The following CNTLN variants were observed in gnomAD, a reference collection of about 807,000 sequenced individuals.
The protein encoded by CNTLN is centlein.
CNTLN carries 212 observed loss-of-function variants against 180.0 expected under a neutral mutation model. The observed-to-expected ratio is 1.18, with a 90% CI of 1.05 to 1.32. The LOEUF (loss-of-function observed/expected upper bound fraction) is 1.32, where lower values mean the gene tolerates loss of function less well. Among genes scored for constraint, CNTLN ranks in the 40% most tolerant of loss-of-function variants. The probability of loss-of-function intolerance (pLI) is 0.00; values close to 1 mark genes in which losing one functional copy is unlikely to be tolerated. For synonymous variants in CNTLN, 722 were observed against 563.1 expected, an observed-to-expected ratio of 1.28 and a Z score of -3.99; for missense variants, 2,095 against 1,610.9, an observed-to-expected ratio of 1.30 and a Z score of -5.14.
intron 18 of CNTLN, among the ~76,000 whole-genome samples, chr9:17,420,229 C>G (rs1828607726): frequency 6.6e-6 from 1 of 152,070 alleles, no homozygotes; most frequent in Admixed American, 6.6e-5. Context: ...TTTTATTAGG[C>G]TTTGCTTTTG....
rs200779530 is a variant in CNTLN, at chr9:17,188,875, C to CT, written c.450-37320dup. ...TTAATTTCATTATCTGAGTCATTGA[C>CT]TTTTTTTTCCCTCCAGATTATGGAT... is the stretch of plus-strand genomic sequence containing the variant. On this transcript the variant is annotated intron_variant, in intron 2 of 25. Coordinates refer to ENST00000380647, the MANE Select transcript of CNTLN (RefSeq NM_017738.4). 6.7e-3 allele frequency among the ~76,000 whole-genome samples: 1,009 copies of CT among 151,646 alleles called. 7 individuals are homozygous for CT. Among genetic ancestry groups the CT allele is most frequent in the Non-Finnish European group, 8.3e-3 (565 of 67,864 alleles).
chr9:17,160,172 T>A (rs914425333), intron 2 of CNTLN, among the ~76,000 whole-genome samples: 2 of 152,200 alleles, frequency 1.3e-5, no homozygotes, highest in African/African-American at 4.8e-5. Context: ...TTTTTTTATC[T>A]GAAATGTAAA....
intron 12 of CNTLN, 26 bp from the exon 13 acceptor site, chr9:17,366,591 A>T: frequency 8.8e-7 from 1 of 1,140,356 alleles, no homozygotes; most frequent in Non-Finnish European, 1.3e-6. Flanking sequence ...TATGGTTTTA[A>T]GTAAATGTTT....
chr9:17,189,547 G>A (rs1000874738), intron 2 of CNTLN, among the ~76,000 whole-genome samples: 2 of 151,248 alleles, frequency 1.3e-5, no homozygotes, highest in South Asian at 4.2e-4. Context: ...GCAGTGGCGT[G>A]ATCTTGGCTC....
chr9:17,457,847 G>T, intron 19 of CNTLN, 132 bp downstream of exon 19: 2 of 531,332 alleles, frequency 3.8e-6, no homozygotes, highest in Non-Finnish European at 3.0e-6. Flanking sequence ...TATTAATATT[G>T]CCTTCATCAT....
chr9:17,394,781 G>C lies in CNTLN; in HGVS notation c.2327G>C (p.Arg776Thr). 6.2e-7 allele frequency: 1 copy of C among 1,614,004 alleles called. No individual in the cohort carries two copies. Among genetic ancestry groups the C allele is most frequent in the Non-Finnish European group, 8.5e-7 (1 of 1,179,986 alleles). Residue 776 changes from arginine (R) to threonine (T), a missense_variant, in exon 15 of 26, where the codon AGA becomes ACA. By Grantham distance (71) the Arg-to-Thr change is moderately conservative. Transcript: ENST00000380647. Reference sequence around the variant, plus strand: ...GAGACAGAAGTCACTTCCCTGAGGAGACAAGTGGCAGAAGCTAATGCATTG... The same window carrying C: ...GAGACAGAAGTCACTTCCCTGAGGACACAAGTGGCAGAAGCTAATGCATTG... ...ELETEVTSLR[R>T]QVAEANALRN...
chr9:17,234,342 C>G (rs542477039), intron 3 of CNTLN, among the ~76,000 whole-genome samples: 1 of 152,066 alleles, frequency 6.6e-6, no homozygotes, highest in Non-Finnish European at 1.5e-5. Context: ...ACTTGGGAAG[C>G]TGAGGTGGGA....
intron 2 of CNTLN, among the ~76,000 whole-genome samples, chr9:17,159,273 G>A (rs1230661440): frequency 1.3e-5 from 2 of 152,152 alleles, no homozygotes; most frequent in East Asian, 3.9e-4. Flanking sequence ...AATAAAGTCA[G>A]TTTCTTTGGA....
At chr9:17,222,736 C>G (rs1276171220) in intron 2 of CNTLN, among the ~76,000 whole-genome samples, 1 of 152,004 alleles carries the variant, frequency 6.6e-6, no homozygotes, top group African/African-American at 2.4e-5. Flanking sequence ...ATTTCTCAGT[C>G]TTTAGTGTGT....
At chr9:17,148,171 C>T (rs1818586810) in intron 2 of CNTLN, among the ~76,000 whole-genome samples, 1 of 152,104 alleles carries the variant, frequency 6.6e-6, no homozygotes, top group African/African-American at 2.4e-5. Flanking sequence ...ATCTATAAAC[C>T]TCTATTCTCT....
At chr9:17,345,436 C>T (rs939218705) in intron 12 of CNTLN, among the ~76,000 whole-genome samples, 1 of 151,734 alleles carries the variant, frequency 6.6e-6, no homozygotes, top group Non-Finnish European at 1.5e-5. Context: ...TTTGTTTCCT[C>T]TGTTTCCCAT....
intron 18 of CNTLN, among the ~76,000 whole-genome samples, chr9:17,442,820 A>C (rs768895912): frequency 2.0e-5 from 3 of 152,226 alleles, no homozygotes; most frequent in Non-Finnish European, 2.9e-5. Flanking sequence ...AAGCATAAGC[A>C]GTTGTAAGAG....
intron 5 of CNTLN, among the ~76,000 whole-genome samples, chr9:17,245,105 G>C (rs1043468290): frequency 4.6e-5 from 7 of 152,000 alleles, no homozygotes; most frequent in Admixed American, 4.6e-4. Flanking sequence ...ATAATACTCT[G>C]TATTTGTCTA....
At chr9:17,226,869 A>G in intron 3 of CNTLN, among the ~76,000 whole-genome samples, 1 of 151,724 alleles carries the variant, frequency 6.6e-6, no homozygotes, top group Admixed American at 6.6e-5. Context: ...AGCAGGAGCA[A>G]GAGAGAGAGA....
intron 8 of CNTLN, among the ~76,000 whole-genome samples, chr9:17,330,378 AT>A (rs1490811796): frequency 6.6e-6 from 1 of 151,894 alleles, no homozygotes; most frequent in African/African-American, 2.4e-5. Flanking sequence ...CATGCTTTAA[AT>A]TTTTTTCCTT....
chr9:17,154,328 G>C (rs1490093529), intron 2 of CNTLN, among the ~76,000 whole-genome samples: 1 of 152,122 alleles, frequency 6.6e-6, no homozygotes, highest in Non-Finnish European at 1.5e-5. Context: ...GGTAACCTTT[G>C]GATGGGGTCT....
At chr9:17,233,180 A>C (rs1285129908) in intron 3 of CNTLN, among the ~76,000 whole-genome samples, 1 of 152,236 alleles carries the variant, frequency 6.6e-6, no homozygotes, top group East Asian at 1.9e-4. Context: ...TTTTGTTAGT[A>C]TGATCCCCAC....
chr9:17,467,153 T>C (rs1174370626), intron 23 of CNTLN, among the ~76,000 whole-genome samples: 4 of 151,602 alleles, frequency 2.6e-5, no homozygotes, highest in African/African-American at 9.7e-5. Flanking sequence ...TCAAGTCATC[T>C]GGACAGGTTT....
At chr9:17,408,885 A>G (rs1391230014) in intron 15 of CNTLN, among the ~76,000 whole-genome samples, 1 of 152,030 alleles carries the variant, frequency 6.6e-6, no homozygotes, top group Non-Finnish European at 1.5e-5. Flanking sequence ...GGATGGAACT[A>G]GAATCAGTGG....
Sources: allele counts gnomAD v4.1 joint callset (sites outside exome capture counted in the v4.1 genomes callset), GRCh38; gene constraint gnomAD v4.1.1; transcripts MANE v1.5; gene names NCBI Gene and HGNC (gene_info 2026-07-23, HGNC 2026-07-21).